The following MPP3 variants were observed in gnomAD, a reference collection of about 807,000 sequenced individuals.
The protein encoded by MPP3 is MAGUK p55 scaffold protein 3, also known as MAGUK p55 subfamily member 3.
In MPP3, 48 loss-of-function variants were observed where a neutral mutation model predicts 80.7. That is an observed-to-expected ratio of 0.59 (90% CI 0.47 to 0.76). MPP3 has a LOEUF of 0.76. Among genes scored for constraint, MPP3 ranks in the 30% least tolerant of loss-of-function variants. The pLI, the probability that MPP3 is intolerant of heterozygous loss-of-function variation, is 0.00. For missense variants in MPP3, 620 were observed against 763.0 expected, an observed-to-expected ratio of 0.81 and a Z score of 2.21; for synonymous variants, 311 against 297.6, an observed-to-expected ratio of 1.04 and a Z score of -0.46.
chr17:43,819,782 C>T (rs559101577), intron 11 of MPP3, among the ~76,000 whole-genome samples: 4 of 151,110 alleles, frequency 2.6e-5, no homozygotes, highest in African/African-American at 9.8e-5. Context: ...AAAATACTCA[C>T]GCCAAAAATG....
chr17:43,817,113 G>C (rs532546421), intron 12 of MPP3, among the ~76,000 whole-genome samples: 1 of 152,304 alleles, frequency 6.6e-6, no homozygotes, highest in East Asian at 1.9e-4. Flanking sequence ...GAGCGGGGTG[G>C]AGCAGAGCTG....
At position 43,810,863 on chromosome 17, in the gene MPP3, C is replaced by T; in HGVS notation, c.1402G>A (p.Ala468Thr). 1 of 1,612,118 alleles carries T rather than the reference C, an allele frequency of 6.2e-7. No individual in the cohort carries two copies. The highest frequency in any genetic ancestry group is 8.5e-7 in the Non-Finnish European group (1 of 1,179,532). Reference protein sequence around the residue: ...KENLYGTSLEAIQAVMAKNKV... With the variant: ...KENLYGTSLETIQAVMAKNKV... ...TTTTTGGCCATAACAGCCTGAATGG[C>T]CTCCAGGCTGGTTCCATACAGATTT... The change falls in exon 18 of 20, where the codon GCC becomes ACC. Residue 468 changes from alanine to threonine, a missense_variant. Transcript: ENST00000398389.
chr17:43,818,071 G>A lies in MPP3; in HGVS notation c.921C>T (p.Ser307=). The stretch of plus-strand genomic sequence containing the variant: ...AGGGGGGCTTCCTGAGGCTCTGGGG[G>A]CTCGGCAGGGTGCCCGCGGCTCTCC... ...SYRRAAGTLP[S]PQSLRKPPYD... Residue 307 remains serine, a synonymous_variant, in exon 12 of 20, where the codon AGC becomes AGT. Coordinates refer to ENST00000398389, the MANE Select transcript of MPP3 (RefSeq NM_001932.6). 1 of 1,576,714 alleles carries A rather than the reference G, an allele frequency of 6.3e-7. No homozygotes were observed. The highest frequency in any genetic ancestry group is 1.2e-5 in the South Asian group (1 of 86,024).
chr17:43,820,639 C>CACACACACAT (rs796095687), intron 11 of MPP3, among the ~76,000 whole-genome samples: 2,103 of 145,184 alleles, frequency 0.014, 74 homozygotes, highest in African/African-American at 0.05. Context: ...CACACACACA[C>CACACACACAT]ATTAACTTAA....
rs932648065 is a variant in MPP3 at position 43,814,372 on chromosome 17, G to A, written c.1010-11C>T. The A allele has an allele frequency of 6.3e-7, 1 of 1,588,702 alleles. No homozygotes were observed. The highest frequency in any genetic ancestry group is 8.5e-7 in the Non-Finnish European group (1 of 1,173,108). On this transcript the variant is annotated splice_polypyrimidine_tract_variant and intron_variant, in intron 14 of 19. Coordinates refer to ENST00000398389, the MANE Select transcript of MPP3 (RefSeq NM_001932.6). ...TCCTCCGAAGACCAGCTTGGGAGGA[G>A]GGGCAGAGGGACACCATGGCATTTG... is the stretch of plus-strand genomic sequence containing the variant.
intron 19 of MPP3, among the ~76,000 whole-genome samples, chr17:43,804,385 A>G (rs960571952): frequency 6.6e-6 from 1 of 152,146 alleles, no homozygotes; most frequent in Non-Finnish European, 1.5e-5. Context: ...CCAGAAAGAA[A>G]CCCTTACTTT....
At chr17:43,820,812 G>C in intron 11 of MPP3, 50 bp downstream of exon 11, 1 of 1,572,026 alleles carries the variant, frequency 6.4e-7, no homozygotes, top group Non-Finnish European at 8.7e-7. Flanking sequence ...CCATGTACCT[G>C]TGCCTCTGCC....
intron 8 of MPP3, 47 bp downstream of exon 8, chr17:43,827,704 A>G: frequency 3.2e-6 from 5 of 1,586,018 alleles, no homozygotes; most frequent in Non-Finnish European, 4.3e-6. Context: ...GCTCTGGAAC[A>G]ATGGCCATGA....
chr17:43,808,592 T>C (rs1181907520), intron 19 of MPP3, among the ~76,000 whole-genome samples: 4 of 152,232 alleles, frequency 2.6e-5, no homozygotes, highest in African/African-American at 4.8e-5. Context: ...GGGGTTTCAA[T>C]TTAAAATACT....
chr17:43,825,522 G>A (rs983616069), intron 9 of MPP3: 12 of 450,578 alleles, frequency 2.7e-5, no homozygotes, highest in African/African-American at 7.9e-5. Flanking sequence ...GGGAAGGAAG[G>A]AAGGCTGTGC....
intron 10 of MPP3, among the ~76,000 whole-genome samples, chr17:43,823,430 C>T (rs2045554922): frequency 1.3e-5 from 2 of 152,202 alleles, no homozygotes; most frequent in African/African-American, 2.4e-5. Flanking sequence ...TCTAGGGTGA[C>T]TGTAACTCTT....
intron 8 of MPP3, among the ~76,000 whole-genome samples, chr17:43,826,997 T>A (rs12950754): frequency 0.27 from 39,439 of 148,080 alleles, 6,390 homozygotes; most frequent in Non-Finnish European, 0.37. Flanking sequence ...CACCCGTGCA[T>A]GGCCTATATT....
intron 8 of MPP3, 101 bp downstream of exon 8, chr17:43,827,650 C>G: frequency 9.2e-7 from 1 of 1,085,558 alleles, no homozygotes; most frequent in South Asian, 1.4e-5. Context: ...AAACAGGTGA[C>G]CTGATAGGAG....
At chr17:43,816,573 G>T in intron 13 of MPP3, 104 bp downstream of exon 13, 1 of 1,065,304 alleles carries the variant, frequency 9.4e-7, no homozygotes, top group Non-Finnish European at 1.4e-6. Flanking sequence ...ACAGTGGGAG[G>T]GGCACAGCTG....
At chr17:43,805,777 T>C (rs2044590113) in intron 19 of MPP3, among the ~76,000 whole-genome samples, 1 of 152,212 alleles carries the variant, frequency 6.6e-6, no homozygotes, top group Non-Finnish European at 1.5e-5. Flanking sequence ...TGCCTGTGGC[T>C]AGGAAGGGGC....
chr17:43,819,825 T>C (rs529412716), intron 11 of MPP3, among the ~76,000 whole-genome samples: 1 of 151,630 alleles, frequency 6.6e-6, no homozygotes, highest in East Asian at 1.9e-4. Context: ...CCCCAAATTC[T>C]GTATGCAACA....
At chr17:43,829,889 C>G in intron 6 of MPP3, 98 bp from the exon 7 acceptor site, 1 of 1,580,848 alleles carries the variant, frequency 6.3e-7, no homozygotes, top group Non-Finnish European at 8.6e-7. Flanking sequence ...GACGCCATGC[C>G]AGAGAGACAA....
In MPP3 at chr17:43,832,820, C is replaced by G. The variant is rs930914386; in HGVS notation, c.-96-1G>C. On this transcript the variant is annotated splice_acceptor_variant, in intron 1 of 19. Coordinates refer to ENST00000398389, the MANE Select transcript of MPP3 (RefSeq NM_001932.6). LOFTEE classifies it low-confidence loss of function (5UTR_SPLICE). ...ACTCCCGCTCGCTCTCCGAAGGAAC[C>G]TGTGGGAGAACAAGGAGCGCACTGG... is the stretch of plus-strand genomic sequence containing the variant. The G allele has an allele frequency of 6.6e-6, 1 of 152,520 alleles. No individual in the cohort carries two copies. Among genetic ancestry groups the G allele is most frequent in the African/African-American group, 2.4e-5 (1 of 41,460 alleles). The allele number at this position is 152,520 out of a possible 1,614,324, so 9.4% of individuals were successfully genotyped here.
At chr17:43,805,429 C>G (rs2044577551) in intron 19 of MPP3, among the ~76,000 whole-genome samples, 1 of 152,188 alleles carries the variant, frequency 6.6e-6, no homozygotes, top group Non-Finnish European at 1.5e-5. Flanking sequence ...ACCCTATGAC[C>G]CAGCAATTCC....
Sources: allele counts gnomAD v4.1 joint callset (sites outside exome capture counted in the v4.1 genomes callset), GRCh38; gene constraint gnomAD v4.1.1; transcripts MANE v1.5; gene names NCBI Gene and HGNC (gene_info 2026-07-23, HGNC 2026-07-21).